The following PCNX2 variants were observed in gnomAD, a reference collection of about 807,000 sequenced individuals.
PCNX2 encodes pecanex 2.
PCNX2 carries 168 observed loss-of-function variants against 223.8 expected under a neutral mutation model. That is an observed-to-expected ratio of 0.75 (90% confidence interval 0.66 to 0.85). The LOEUF (loss-of-function observed/expected upper bound fraction) is 0.85. Ranked by LOEUF, PCNX2 falls within the 40% of genes least tolerant of loss-of-function variation. The pLI is 0.00. For synonymous variants in PCNX2, 1,006 were observed against 1,052.6 expected (o/e 0.96, Z 0.86); for missense variants, 2,507 against 2,675.5 (o/e 0.94, Z 1.39).
chr1:233,248,719 CTA>C (rs2102982807), intron 8 of PCNX2, among the ~76,000 whole-genome samples: 1 of 152,218 alleles, frequency 6.6e-6, no homozygotes, highest in South Asian at 2.1e-4. Context: ...AGGGGTCTGA[CTA>C]TTCTGTGGAC....
intron 25 of PCNX2, among the ~76,000 whole-genome samples, chr1:233,043,916 T>C (rs1671734409): frequency 6.6e-6 from 1 of 151,726 alleles, no homozygotes; most frequent in African/African-American, 2.4e-5. Context: ...CCTTTGGGTA[T>C]ATACCCAGTA....
At chr1:233,306,710 CAT>C in the PCNX2 span, among the ~76,000 whole-genome samples, 1 of 152,184 alleles carries the variant, frequency 6.6e-6, no homozygotes, top group African/African-American at 2.4e-5. Flanking sequence ...ACCACCTTCA[CAT>C]GATTGTGAAG....
rs2102768283 is a variant in PCNX2 at position 232,983,586 on chromosome 1, T to G, written c.*718A>C. 6.6e-6 allele frequency: 1 copy of G among 152,304 alleles called. No individual in the cohort carries two copies. 9.4% of individuals were successfully genotyped at this position (152,304 alleles called of 1,614,324 possible). A position where few individuals can be genotyped will look rare whatever the true frequency, so the allele number is the denominator to read the frequency against. Reference sequence around the variant, plus strand: ...TCGCCTGGACTACAGTGAGGAGCATTGTGTGACTCCGCGGTGGATTTCCAT... The same window carrying G: ...TCGCCTGGACTACAGTGAGGAGCATGGTGTGACTCCGCGGTGGATTTCCAT... On this transcript the variant is annotated 3_prime_UTR_variant, in exon 34 of 34. Transcript: ENST00000258229.
In PCNX2 at chr1:233,179,149, C is replaced by CG; in HGVS notation, c.3092dup (p.Ala1032GlyfsTer23). 3 of 1,613,832 alleles carry CG rather than the reference C, an allele frequency of 1.9e-6. No individual in the cohort carries two copies. In the South Asian group the frequency reaches 3.3e-5, roughly 18 times the overall value. On this transcript the variant is annotated frameshift_variant, in exon 16 of 34. Transcript: ENST00000258229. LOFTEE classifies it high-confidence loss of function. ...GGCCACAGAAGGCCGAAAACAGTGC[C>CG]GGGATGTGTTGCATGCTCCACGGTT...
intron 23 of PCNX2, among the ~76,000 whole-genome samples, chr1:233,081,994 TTG>T (rs57675075): frequency 0.2 from 29,220 of 147,744 alleles, 4,273 homozygotes; most frequent in African/African-American, 0.42. Flanking sequence ...CTGTGTGTGT[TTG>T]TGTGTGTGTG....
chr1:233,057,159 AT>A (rs1453904507), intron 24 of PCNX2, 72 bp downstream of exon 24: 41 of 1,251,628 alleles, frequency 3.3e-5, no homozygotes, highest in Non-Finnish European at 4.2e-5. Flanking sequence ...CAGAGTGAGT[AT>A]TTAATTCTTC....
Position 233,054,315 on chromosome 1 carries a change from A to G in PCNX2, c.4304T>C (p.Ile1435Thr), listed in dbSNP as rs373595595. ...DLNAFVHLIE[I>T]GNGLVTFQLR... ...TTGAAAGGTGACAAGACCATTTCCA[A>G]TTTCAATCAGGTGAACAAAGGCATT... The change falls in exon 25 of 34, where the codon ATT becomes ACT. Residue 1435 changes from isoleucine (I) to threonine (T), a missense_variant. Coordinates refer to ENST00000258229, the MANE Select transcript of PCNX2 (RefSeq NM_014801.4). 5.0e-6 allele frequency: 8 copies of G among 1,613,772 alleles called. No homozygotes were observed. Among genetic ancestry groups the G allele is most frequent in the Non-Finnish European group, 5.9e-6 (7 of 1,179,860 alleles).
chr1:233,236,881 C>A lies in PCNX2; in HGVS notation c.2322G>T (p.Leu774=), dbSNP rs755463133. ...AVSALQQQLL[L]MVARRTQSET... is the part of the protein sequence containing the mutation. ...CCGACTGGGTCCTGCGAGCCACCAT[C>A]AGTAACAGCTGTTGCTGAAGGGCAC... is the stretch of plus-strand genomic sequence containing the variant. Residue 774 remains leucine, a synonymous_variant, in exon 9 of 34, where the codon CTG becomes CTT. Coordinates refer to ENST00000258229, the MANE Select transcript of PCNX2 (RefSeq NM_014801.4). The A allele has an allele frequency of 5.0e-6, 8 of 1,613,858 alleles. No homozygotes were observed. The highest frequency in any genetic ancestry group is 6.8e-6 in the Non-Finnish European group (8 of 1,179,862).
chr1:233,076,635 T>G (rs924738766), intron 23 of PCNX2, among the ~76,000 whole-genome samples: 2 of 152,224 alleles, frequency 1.3e-5, no homozygotes, highest in African/African-American at 4.8e-5. Context: ...TGTAACACTG[T>G]ACTTCGCTCA....
chr1:233,076,586 A>G (rs1268020696), intron 23 of PCNX2, among the ~76,000 whole-genome samples: 1 of 152,166 alleles, frequency 6.6e-6, no homozygotes, highest in Non-Finnish European at 1.5e-5. Context: ...GCTCAGACGG[A>G]CCTCACTTTT....
intron 19 of PCNX2, 59 bp downstream of exon 19, chr1:233,160,224 G>C (rs910446214): frequency 1.3e-6 from 2 of 1,543,674 alleles, no homozygotes; most frequent in East Asian, 2.2e-5. Context: ...ATGCTCTCCG[G>C]TTTAATGTAT....
intron 19 of PCNX2, among the ~76,000 whole-genome samples, chr1:233,152,831 C>T (rs185340207): frequency 4.6e-5 from 7 of 152,284 alleles, no homozygotes; most frequent in South Asian, 2.1e-4. Context: ...ACTTAGGGAG[C>T]GCTTTCTGTC....
intron 9 of PCNX2, chr1:233,231,647 G>A (rs1658070613): frequency 1.0e-6 from 1 of 984,682 alleles, no homozygotes; most frequent in Admixed American, 6.2e-5. Flanking sequence ...ATAGGGAGAA[G>A]GAGTAGAAGA....
chr1:233,025,176 G>C lies in PCNX2; in HGVS notation c.4575C>G (p.Leu1525=), dbSNP rs1378272809. ...TGTAGTAGCGGATGAGGATCCTTCG[G>C]AGGTCAAACACCTGCAGCATGGTGG... The part of the protein sequence containing the change: ...NAATMLQVFD[L]RRILIRYYIK... Residue 1525 remains leucine (L), a synonymous_variant, in exon 26 of 34, where the codon CTC becomes CTG. Transcript: ENST00000258229. 1 of 1,613,982 alleles carries C rather than the reference G, an allele frequency of 6.2e-7. No individual in the cohort carries two copies. Among genetic ancestry groups the C allele is most frequent in the Non-Finnish European group, 8.5e-7 (1 of 1,179,876 alleles).
At chr1:233,031,422 A>G (rs1671258389) in intron 25 of PCNX2, among the ~76,000 whole-genome samples, 2 of 152,234 alleles carry the variant, frequency 1.3e-5, no homozygotes. Context: ...CAAATAAAAC[A>G]GTTCTTATCC....
intron 23 of PCNX2, among the ~76,000 whole-genome samples, chr1:233,084,541 T>C (rs952022204): frequency 6.6e-6 from 1 of 152,216 alleles, no homozygotes; most frequent in Non-Finnish European, 1.5e-5. Context: ...GTCTAATGTA[T>C]TTTACATTTT....
intron 13 of PCNX2, among the ~76,000 whole-genome samples, chr1:233,206,645 T>C (rs1681482844): frequency 6.6e-6 from 1 of 152,218 alleles, no homozygotes. Flanking sequence ...GGATCTGTTC[T>C]TATTTTTTTT....
rs539346005 is a variant in PCNX2 at position 233,178,729 on chromosome 1, T to C, written c.3176+337A>G. 6.1e-4 allele frequency among the ~76,000 whole-genome samples: 93 copies of C among 152,232 alleles called. 1 individual carries two copies. The highest frequency in any genetic ancestry group is 2.2e-3 in the African/African-American group (93 of 41,536). On this transcript the variant is annotated intron_variant, in intron 16 of 33. Coordinates refer to ENST00000258229, the MANE Select transcript of PCNX2 (RefSeq NM_014801.4). ...TAGTTAATGGATCTAGAGAGGGTAT[T>C]GTTGAGGAGGCAGCTTCTTACCCAG... is the stretch of plus-strand genomic sequence containing the variant.
At chr1:233,201,588 T>C (rs567502596) in intron 13 of PCNX2, 2 of 152,276 alleles carry the variant, frequency 1.3e-5, no homozygotes, top group African/African-American at 4.8e-5. Flanking sequence ...CAATAACAAT[T>C]TTGTGCTATG....
Sources: gnomAD v4.1 joint callset for allele counts (sites outside exome capture counted in the v4.1 genomes callset) on GRCh38, gnomAD v4.1.1 for gene constraint, MANE v1.5 for transcripts, NCBI Gene and HGNC (gene_info 2026-07-23, HGNC 2026-07-21) for gene names.